The following FGF2 variants were observed in gnomAD, a reference collection of about 807,000 sequenced individuals.
The protein encoded by FGF2 is fibroblast growth factor 2, also known as basic fibroblast growth factor bFGF.
A neutral mutation model predicts 15.9 loss-of-function variants in FGF2; 13 were observed. The ratio of observed to expected loss-of-function variants is 0.82; its 90% CI spans 0.53 to 1.30. FGF2 has a LOEUF of 1.30. FGF2 is among the 50% of genes most tolerant of loss of function. The pLI is 0.00. For missense variants in FGF2, 163 were observed against 196.9 expected (o/e 0.83, Z 1.03); for synonymous variants, 90 against 78.4 (o/e 1.15, Z -0.78).
chr4:122,840,683 C>A, intron 1 of FGF2: 1 of 189,464 alleles, frequency 5.3e-6, no homozygotes. Context: ...CCACTAAAGC[C>A]CAGGTAAGGA....
Position 122,860,616 on chromosome 4 carries a change from TG to T in FGF2, c.179-15703del, listed in dbSNP as rs1450414014. Among the ~76,000 whole-genome samples the T allele has an allele frequency of 2.6e-5, 4 of 152,098 alleles. No individual in the cohort carries two copies. The East Asian group carries it at 7.7e-4, about 29-fold the overall frequency. ...GATTACAGGCATATGCCACCACGCC[TG>T]GCTATTTTTTTGTATTTTTTGTAGA... On this transcript the variant is annotated intron_variant, in intron 1 of 2. Transcript: ENST00000644866.
In FGF2 at chr4:122,893,101, G is replaced by C; in HGVS notation, c.*705G>C. ...TGAATGAATATGGCTTTAGGCGGCA[G>C]ATGATATACATATCTGACTTCCCAA... On this transcript the variant is annotated 3_prime_UTR_variant, in exon 3 of 3. Transcript: ENST00000644866. The C allele has an allele frequency of 1.2e-6, 2 of 1,614,160 alleles. No individual in the cohort carries two copies. The highest frequency in any genetic ancestry group is 2.2e-5 in the East Asian group (1 of 44,886).
chr4:122,869,658 AATGCTT>A (rs1482258211), intron 1 of FGF2, among the ~76,000 whole-genome samples: 1 of 152,078 alleles, frequency 6.6e-6, no homozygotes. Flanking sequence ...GGTGTAAAGG[AATGCTT>A]GTGATTTTTC....
chr4:122,885,526 A>C (rs752231837), intron 2 of FGF2, among the ~76,000 whole-genome samples: 13 of 152,202 alleles, frequency 8.5e-5, no homozygotes, highest in Non-Finnish European at 1.9e-4. Flanking sequence ...CCCTAGAGTC[A>C]GTTTTGTAAA....
At chr4:122,856,970 CA>C (rs1726355217) in intron 1 of FGF2, among the ~76,000 whole-genome samples, 1 of 152,162 alleles carries the variant, frequency 6.6e-6, no homozygotes, top group African/African-American at 2.4e-5. Flanking sequence ...GACCATTTAA[CA>C]CATATAGGGT....
intron 2 of FGF2, chr4:122,882,922 T>C (rs991150070): frequency 5.9e-5 from 9 of 152,196 alleles, no homozygotes; most frequent in Non-Finnish European, 1.3e-4. Flanking sequence ...ACCAAAGATA[T>C]GGTGTTGGTG....
At chr4:122,868,320 T>C (rs923178130) in intron 1 of FGF2, among the ~76,000 whole-genome samples, 4 of 152,158 alleles carry the variant, frequency 2.6e-5, no homozygotes, top group African/African-American at 9.7e-5. Context: ...CCACTCTGTG[T>C]CCATGTGTTC....
intron 1 of FGF2, among the ~76,000 whole-genome samples, chr4:122,839,529 C>T (rs187162663): frequency 1.2e-3 from 180 of 152,300 alleles, no homozygotes; most frequent in African/African-American, 4.1e-3. Flanking sequence ...TAGCAAGACA[C>T]GTCCGGAAAA....
rs1314216898 is a variant in FGF2 at position 122,896,133 on chromosome 4, G to A, written c.*3737G>A. The A allele has an allele frequency of 2.6e-5, 4 of 151,940 alleles. No individual in the cohort carries two copies. Among genetic ancestry groups the A allele is most frequent in the Admixed American group, 2.0e-4 (3 of 15,230 alleles). The allele number at this position is 151,940 out of a possible 1,614,324, so 9.4% of individuals were successfully genotyped here. On this transcript the variant is annotated 3_prime_UTR_variant, in exon 3 of 3. Transcript: ENST00000644866. ...TTTCTTCTTAATTCCACATGACTGA[G>A]GCATATATGATCTCTGGGTAGGTGA...
intron 1 of FGF2, among the ~76,000 whole-genome samples, chr4:122,867,310 C>G (rs897460841): frequency 1.3e-5 from 2 of 152,114 alleles, no homozygotes; most frequent in Non-Finnish European, 2.9e-5. Flanking sequence ...CTCAATAAGG[C>G]TATAACAGGT....
intron 1 of FGF2, among the ~76,000 whole-genome samples, chr4:122,865,259 T>C (rs1238409203): frequency 6.6e-6 from 1 of 150,774 alleles, no homozygotes; most frequent in East Asian, 2.0e-4. Context: ...TTCTTTGTGA[T>C]TTATTTTCTC....
At chr4:122,884,842 T>G (rs1053227066) in intron 2 of FGF2, 3 of 152,310 alleles carry the variant, frequency 2.0e-5, no homozygotes, top group Admixed American at 6.5e-5. Flanking sequence ...TGAGGAGAAC[T>G]TGGCTCATGT....
At chr4:122,861,413 C>A (rs1960669) in intron 1 of FGF2, among the ~76,000 whole-genome samples, 19,713 of 152,146 alleles carry the variant, frequency 0.13, 1,430 homozygotes, top group African/African-American at 0.16. Flanking sequence ...CTGCTCCAAC[C>A]ACCTCCAAGT....
intron 1 of FGF2, among the ~76,000 whole-genome samples, chr4:122,851,795 G>A (rs1257682614): frequency 6.6e-6 from 1 of 152,190 alleles, no homozygotes; most frequent in Non-Finnish European, 1.5e-5. Context: ...CATTCTCACA[G>A]TTTCATCTTT....
chr4:122,838,982 A>G (rs978359481), intron 1 of FGF2, among the ~76,000 whole-genome samples: 8 of 152,310 alleles, frequency 5.3e-5, no homozygotes, highest in East Asian at 1.9e-4. Context: ...AGGTAACACA[A>G]ATACTTAGCA....
In FGF2 at chr4:122,826,900, T is replaced by G; in HGVS notation, c.-275T>G. ...GGCGCTGCAGCTTGGGAGGCGGCTCTCCCCAGGCGGCGTCCGCGGAGACAC... is the reference window on the plus strand; with the variant it reads ...GGCGCTGCAGCTTGGGAGGCGGCTCGCCCCAGGCGGCGTCCGCGGAGACAC... On this transcript the variant is annotated 5_prime_UTR_variant, in exon 1 of 3. Transcript: ENST00000644866. 1 of 1,516,206 alleles carries G rather than the reference T, an allele frequency of 6.6e-7. No individual in the cohort carries two copies. The highest frequency in any genetic ancestry group is 2.7e-5 in the East Asian group (1 of 36,820). 93.9% of individuals were successfully genotyped at this position (1,516,206 alleles called of 1,614,324 possible).
intron 2 of FGF2, among the ~76,000 whole-genome samples, chr4:122,883,992 A>G (rs1727009421): frequency 6.6e-6 from 1 of 152,246 alleles, no homozygotes; most frequent in South Asian, 2.1e-4. Context: ...AAGTAGAGAA[A>G]ATAGATATCT....
At chr4:122,844,537 T>TTTTC (rs200010352) in intron 1 of FGF2, among the ~76,000 whole-genome samples, 2 of 151,160 alleles carry the variant, frequency 1.3e-5, no homozygotes. Context: ...CTTTTTCTTT[T>TTTTC]TTTCTTTCTT....
intron 1 of FGF2, among the ~76,000 whole-genome samples, chr4:122,862,812 A>G (rs1181865024): frequency 6.6e-6 from 1 of 152,212 alleles, no homozygotes; most frequent in Admixed American, 6.5e-5. Flanking sequence ...AAGCTTGGAT[A>G]ACATACTATT....
Sources: gnomAD v4.1 joint callset for allele counts (sites outside exome capture counted in the v4.1 genomes callset) on GRCh38, gnomAD v4.1.1 for gene constraint, MANE v1.5 for transcripts, NCBI Gene and HGNC (gene_info 2026-07-23, HGNC 2026-07-21) for gene names.